The following CFAP58 variants were observed in gnomAD, a reference collection of about 807,000 sequenced individuals.
The protein encoded by CFAP58 is cilia and flagella associated protein 58, also known as cilia- and flagella-associated protein 58.
CFAP58 carries 88 observed loss-of-function variants against 119.5 expected under a neutral mutation model. The observed-to-expected ratio is 0.74, with a 90% CI of 0.62 to 0.88. The LOEUF is 0.88. Ranked by LOEUF, CFAP58 falls within the 40% of genes least tolerant of loss-of-function variation. CFAP58 has a pLI of 0.00. For missense variants in CFAP58, 990 were observed against 1,021.2 expected, an observed-to-expected ratio of 0.97 and a Z score of 0.42; for synonymous variants, 365 against 366.3, an observed-to-expected ratio of 1.00 and a Z score of 0.04.
At chr10:104,386,174 T>C (rs2011918828) in intron 9 of CFAP58, among the ~76,000 whole-genome samples, 1 of 151,348 alleles carries the variant, frequency 6.6e-6, no homozygotes, top group African/African-American at 2.4e-5. Flanking sequence ...GGTCAGGAGT[T>C]CAAGTCCAGC....
rs1314040039 is a variant in CFAP58 at position 104,421,200 on chromosome 10, G to A, written c.2256+14407G>A. On this transcript the variant is annotated intron_variant, in intron 15 of 17. Transcript: ENST00000369704. ...AGTGAGTAGTAGATATGGAACCTCA[G>A]CACTCATCATGTAGAAGCATACACC... is the stretch of plus-strand genomic sequence containing the variant. Among the ~76,000 whole-genome samples the A allele has an allele frequency of 2.6e-5, 4 of 152,290 alleles. No homozygotes were observed. The East Asian group carries it at 7.7e-4, about 29-fold the overall frequency.
chr10:104,388,808 G>A (rs1224115682), intron 9 of CFAP58, among the ~76,000 whole-genome samples: 4 of 152,124 alleles, frequency 2.6e-5, no homozygotes, highest in African/African-American at 9.7e-5. Context: ...CTATTGGCAG[G>A]TTGTTTTAAC....
At chr10:104,398,481 A>T (rs2012203238) in intron 11 of CFAP58, among the ~76,000 whole-genome samples, 1 of 152,232 alleles carries the variant, frequency 6.6e-6, no homozygotes, top group African/African-American at 2.4e-5. Flanking sequence ...GGTAGGTCAC[A>T]AACAAACTTG....
chr10:104,422,574 A>C (rs151185672), intron 15 of CFAP58, among the ~76,000 whole-genome samples: 263 of 152,154 alleles, frequency 1.7e-3, no homozygotes, highest in African/African-American at 6.0e-3. Context: ...CAGCTGGTGG[A>C]TTGGCCCAAA....
At chr10:104,444,929 A>G (rs2013090895) in intron 15 of CFAP58, among the ~76,000 whole-genome samples, 3 of 152,138 alleles carry the variant, frequency 2.0e-5, no homozygotes, top group Non-Finnish European at 4.4e-5. Context: ...TTTAGTGGTA[A>G]TTCAGTTTCT....
At chr10:104,361,792 C>T (rs1335010309) in intron 2 of CFAP58, among the ~76,000 whole-genome samples, 1 of 152,216 alleles carries the variant, frequency 6.6e-6, no homozygotes, top group Non-Finnish European at 1.5e-5. Context: ...CTCAAGAGGT[C>T]TTCTTGCCTC....
chr10:104,383,118 T>A (rs573256739), intron 9 of CFAP58, among the ~76,000 whole-genome samples: 1 of 152,218 alleles, frequency 6.6e-6, no homozygotes, highest in African/African-American at 2.4e-5. Flanking sequence ...TTGTTCTCTG[T>A]GGAAAGTTCT....
intron 2 of CFAP58, among the ~76,000 whole-genome samples, chr10:104,359,803 A>T (rs1331361978): frequency 6.6e-6 from 1 of 152,254 alleles, no homozygotes; most frequent in Non-Finnish European, 1.5e-5. Context: ...CTCCAAAAAC[A>T]AAACAAAATA....
At chr10:104,375,138 A>T (rs528552248) in intron 7 of CFAP58, among the ~76,000 whole-genome samples, 2 of 151,098 alleles carry the variant, frequency 1.3e-5, no homozygotes, top group East Asian at 3.9e-4. Flanking sequence ...AAAAGTAAAA[A>T]TTTTCTGTAT....
In CFAP58 at chr10:104,377,031, C is replaced by T. The variant is rs775000034; in HGVS notation, c.1173+138C>T. 1.7e-5 allele frequency: 10 copies of T among 600,096 alleles called. No homozygotes were observed. The South Asian group carries it at 1.8e-4, about 11-fold the overall frequency. The allele number at this position is 600,096 out of a possible 1,614,324, so 37.2% of individuals were successfully genotyped here. ...AGAATAAATAATAGTGCTTAATTTT[C>T]CTCTAAGCAGCTGCCTACAGTCTAT... On this transcript the variant is annotated intron_variant, in intron 8 of 17. Coordinates refer to ENST00000369704, the MANE Select transcript of CFAP58 (RefSeq NM_001008723.2).
chr10:104,376,461 C>T (rs1166209803), intron 7 of CFAP58, among the ~76,000 whole-genome samples: 1 of 149,694 alleles, frequency 6.7e-6, no homozygotes, highest in Non-Finnish European at 1.5e-5. Flanking sequence ...CGAGATTGTG[C>T]CACTGCACTC....
chr10:104,454,603 A>C lies in CFAP58; in HGVS notation c.*73A>C. The C allele has an allele frequency of 9.0e-7, 1 of 1,107,498 alleles. No individual in the cohort carries two copies. Among genetic ancestry groups the C allele is most frequent in the Non-Finnish European group, 1.4e-6 (1 of 723,102 alleles). The allele number at this position is 1,107,498 out of a possible 1,614,324, so 68.6% of individuals were successfully genotyped here. A position where few individuals can be genotyped will look rare whatever the true frequency, so the allele number is the denominator to read the frequency against. ...CTGGGACATTTTGGGGGAATCTCAA[A>C]GTCCTTGGATCATAGAACTGAGTGC... is the stretch of plus-strand genomic sequence containing the variant. On this transcript the variant is annotated 3_prime_UTR_variant, in exon 18 of 18. Transcript: ENST00000369704.
intron 7 of CFAP58, 21 bp from the exon 8 acceptor site, chr10:104,376,790 T>C (rs760524643): frequency 6.2e-7 from 1 of 1,601,540 alleles, no homozygotes; most frequent in South Asian, 1.1e-5. Context: ...TTATTATTAT[T>C]TTTTCTCCCT....
intron 11 of CFAP58, among the ~76,000 whole-genome samples, chr10:104,395,318 A>C (rs932148064): frequency 2.6e-5 from 4 of 152,222 alleles, no homozygotes; most frequent in African/African-American, 7.2e-5. Flanking sequence ...GCTGGTGAAC[A>C]TGAAGGATGA....
chr10:104,420,751 A>ATTTTTTT (rs66462966), intron 15 of CFAP58, among the ~76,000 whole-genome samples: 1 of 121,624 alleles, frequency 8.2e-6, no homozygotes, highest in African/African-American at 3.2e-5. Flanking sequence ...TTTATATTTG[A>ATTTTTTT]TTTTTTTTTT....
intron 15 of CFAP58, among the ~76,000 whole-genome samples, chr10:104,433,792 C>G (rs376645586): frequency 1.3e-5 from 2 of 152,304 alleles, no homozygotes; most frequent in African/African-American, 2.4e-5. Flanking sequence ...AAAGAATGTT[C>G]CAAGTAAGCG....
chr10:104,402,232 T>TA (rs1412490251), intron 13 of CFAP58, among the ~76,000 whole-genome samples: 1 of 152,172 alleles, frequency 6.6e-6, no homozygotes, highest in Non-Finnish European at 1.5e-5. Flanking sequence ...ATGTGCCTAG[T>TA]ATAGAGTCTA....
intron 15 of CFAP58, among the ~76,000 whole-genome samples, chr10:104,429,156 A>T (rs1395450691): frequency 6.6e-6 from 1 of 152,122 alleles, no homozygotes; most frequent in Non-Finnish European, 1.5e-5. Context: ...GGGAGTGTGC[A>T]TGGCAGTTGT....
intron 15 of CFAP58, among the ~76,000 whole-genome samples, chr10:104,441,528 A>G (rs2013037136): frequency 6.6e-6 from 1 of 152,264 alleles, no homozygotes; most frequent in African/African-American, 2.4e-5. Context: ...CTAGAGAATT[A>G]CATACTTTGT....
Sources: gnomAD v4.1 joint callset for allele counts (sites outside exome capture counted in the v4.1 genomes callset) on GRCh38, gnomAD v4.1.1 for gene constraint, MANE v1.5 for transcripts, NCBI Gene and HGNC (gene_info 2026-07-23, HGNC 2026-07-21) for gene names.